Variants in MAD1L1 observed in about 807,000 individuals in gnomAD.
MAD1L1 encodes mitotic spindle assembly checkpoint protein MAD1.
In MAD1L1, 95 loss-of-function variants were observed where a neutral mutation model predicts 96.9. The observed-to-expected ratio is 0.98, with a 90% CI of 0.83 to 1.16. The LOEUF (loss-of-function observed/expected upper bound fraction) is 1.16. Ranked by LOEUF, MAD1L1 falls within the 50% of genes most tolerant of loss-of-function variation. MAD1L1 has a pLI of 0.00. For missense variants in MAD1L1, 1,007 were observed against 954.4 expected (o/e 1.06, Z -0.73); for synonymous variants, 473 against 396.6 (o/e 1.19, Z -2.29).
intron 12 of MAD1L1, among the ~76,000 whole-genome samples, 155 bp from the exon 13 acceptor site, chr7:2,014,797 A>C (rs1584084893): frequency 6.6e-6 from 1 of 152,186 alleles, no homozygotes; most frequent in South Asian, 2.1e-4. Context: ...AGGGCCCACC[A>C]AAGTGAAGAG....
chr7:1,894,844 AAG>A (rs1300726913), intron 18 of MAD1L1, among the ~76,000 whole-genome samples: 3 of 152,038 alleles, frequency 2.0e-5, no homozygotes, highest in Non-Finnish European at 4.4e-5. Context: ...GGCTGGGGGA[AAG>A]AGGCTGTGAA....
chr7:1,833,447 A>G (rs553707694), intron 18 of MAD1L1, among the ~76,000 whole-genome samples: 109 of 152,380 alleles, frequency 7.2e-4, no homozygotes, highest in Middle Eastern at 3.4e-3. Flanking sequence ...AGAGATGTCA[A>G]TATTCATCTA....
At chr7:1,938,910 C>CAT (rs1778778406) in intron 16 of MAD1L1, among the ~76,000 whole-genome samples, 1 of 143,482 alleles carries the variant, frequency 7.0e-6, no homozygotes, top group Admixed American at 7.0e-5. Flanking sequence ...CGCGCACACA[C>CAT]ACACACACAC....
chr7:1,884,229 C>T (rs1207823201), intron 18 of MAD1L1, among the ~76,000 whole-genome samples: 1 of 152,242 alleles, frequency 6.6e-6, no homozygotes, highest in Non-Finnish European at 1.5e-5. Context: ...GCTGCCCTGG[C>T]TGAAGAGACG....
intron 10 of MAD1L1, among the ~76,000 whole-genome samples, chr7:2,198,833 A>G (rs73041323): frequency 0.028 from 4,318 of 152,310 alleles, 106 homozygotes; most frequent in South Asian, 0.075. Flanking sequence ...AAGGATGGGC[A>G]AGGAACCAGG....
chr7:1,975,878 G>A (rs916446869), intron 15 of MAD1L1, among the ~76,000 whole-genome samples: 7 of 152,184 alleles, frequency 4.6e-5, no homozygotes, highest in African/African-American at 1.7e-4. Context: ...AGCAGGCACT[G>A]GCACAGATAG....
chr7:2,181,036 G>A (rs1188170352), intron 10 of MAD1L1, among the ~76,000 whole-genome samples: 1 of 152,212 alleles, frequency 6.6e-6, no homozygotes, highest in Non-Finnish European at 1.5e-5. Flanking sequence ...CAGGTTTGCT[G>A]ATTCTTTCTT....
At chr7:2,210,496 T>TGCGGCATGAGCAC (rs1562375348) in intron 10 of MAD1L1, among the ~76,000 whole-genome samples, 2 of 74,600 alleles carry the variant, frequency 2.7e-5, no homozygotes, top group South Asian at 6.3e-4. Flanking sequence ...TCCCGTGGAC[T>TGCGGCATGAGCAC]CTCTAGGAGC....
chr7:1,876,954 G>A (rs1021076826), intron 18 of MAD1L1, among the ~76,000 whole-genome samples: 3 of 127,034 alleles, frequency 2.4e-5, no homozygotes, highest in Non-Finnish European at 3.5e-5. Context: ...GCCAGAAGCA[G>A]TAAATATGTG....
chr7:2,088,102 A>G lies in MAD1L1; in HGVS notation c.1074-18764T>C, dbSNP rs377638533. On this transcript the variant is annotated intron_variant, in intron 11 of 18. Coordinates refer to ENST00000265854, the MANE Select transcript of MAD1L1 (RefSeq NM_001013836.2). This position sits in a 1 kb window ranked among gnomAD's most constrained non-coding sequence, Gnocchi z 4.4. ...GACCACACTGACTTCTCCCCTTTAAAAGTCTACACACAAAGCACCCGCACA... is the reference window on the plus strand; with the variant it reads ...GACCACACTGACTTCTCCCCTTTAAGAGTCTACACACAAAGCACCCGCACA... Among the ~76,000 whole-genome samples the G allele has an allele frequency of 6.6e-6, 1 of 152,282 alleles. No homozygotes were observed. The highest frequency in any genetic ancestry group is 2.4e-5 in the African/African-American group (1 of 41,550).
chr7:2,117,415 A>G lies in MAD1L1; in HGVS notation c.1073+31737T>C, dbSNP rs375204701. The stretch of plus-strand genomic sequence containing the variant: ...TACAGACAGGCAGCTGCCCATTCAC[A>G]AGGAGGAGGCATGATATGATATGGT... On this transcript the variant is annotated intron_variant, in intron 11 of 18. Transcript: ENST00000265854. 6.0e-4 allele frequency among the ~76,000 whole-genome samples: 91 copies of G among 152,244 alleles called. 2 individuals carry two copies. In the East Asian group the frequency reaches 0.012, roughly 19 times the overall value.
chr7:1,981,781 T>A (rs1041507687), intron 14 of MAD1L1, among the ~76,000 whole-genome samples: 7 of 152,038 alleles, frequency 4.6e-5, no homozygotes, highest in African/African-American at 1.7e-4. Context: ...AGCAGGAGCC[T>A]GGGAAAAAAG....
At chr7:1,843,791 G>A (rs1000634500) in intron 18 of MAD1L1, among the ~76,000 whole-genome samples, 1 of 152,184 alleles carries the variant, frequency 6.6e-6, no homozygotes, top group Non-Finnish European at 1.5e-5. Context: ...CCACGTGGAG[G>A]CGAATTCACC....
intron 11 of MAD1L1, among the ~76,000 whole-genome samples, chr7:2,144,261 A>C (rs147853809): frequency 3.9e-5 from 6 of 152,236 alleles, no homozygotes; most frequent in Non-Finnish European, 8.8e-5. Flanking sequence ...CGCATGAAGC[A>C]CAGCGCAGCG....
chr7:2,065,316 A>G (rs4721359), intron 12 of MAD1L1, among the ~76,000 whole-genome samples: 52,321 of 152,010 alleles, frequency 0.34, 9,834 homozygotes, highest in African/African-American at 0.49. Flanking sequence ...CTCTCCCATC[A>G]CTGAGGGTGG....
intron 12 of MAD1L1, among the ~76,000 whole-genome samples, chr7:2,025,191 C>A (rs951259597): frequency 6.6e-6 from 1 of 152,076 alleles, no homozygotes; most frequent in Non-Finnish European, 1.5e-5. Flanking sequence ...TAAACTCTCC[C>A]GAAAACAAAC....
At position 1,887,504 on chromosome 7, in the gene MAD1L1, TATGTGGCTGCCTGTGCGTGTGTGTCTGC is replaced by T. The variant is rs1309091058; in HGVS notation, c.1998+10668_1998+10695del. Among the ~76,000 whole-genome samples the T allele has an allele frequency of 3.6e-4, 54 of 151,812 alleles. No homozygotes were observed. The Middle Eastern group carries it at 0.014, about 39-fold the overall frequency. ...GCCCGTGTGGGTGCATGTGTGCATG[TATGTGGCTGCCTGTGCGTGTGTGTCTGC>T]ATGTGGCTGCCTGTGCATGTGTGCA... On this transcript the variant is annotated intron_variant, in intron 18 of 18. Transcript: ENST00000265854.
At chr7:1,827,082 G>A (rs1782432421) in intron 18 of MAD1L1, among the ~76,000 whole-genome samples, 2 of 152,244 alleles carry the variant, frequency 1.3e-5, no homozygotes, top group Non-Finnish European at 2.9e-5. Context: ...TGGGGGCGCC[G>A]GCTCGGGGTG....
chr7:1,996,003 G>A (rs966268019), intron 14 of MAD1L1, among the ~76,000 whole-genome samples: 3 of 152,226 alleles, frequency 2.0e-5, no homozygotes, highest in African/African-American at 7.2e-5. Flanking sequence ...ACAGATTCCG[G>A]GCTGGGCACA....
Sources: gnomAD v4.1 joint callset for allele counts (sites outside exome capture counted in the v4.1 genomes callset) on GRCh38, gnomAD v4.1.1 for gene constraint, Gnocchi (gnomAD v3.1) non-coding constraint, MANE v1.5 for transcripts, NCBI Gene and HGNC (gene_info 2026-07-23, HGNC 2026-07-21) for gene names.